The following WWOX variants were observed in gnomAD, a reference collection of about 807,000 sequenced individuals.
WWOX encodes the protein WW domain-containing oxidoreductase.
A neutral mutation model predicts 46.2 loss-of-function variants in WWOX; 69 were observed. That is an observed-to-expected ratio of 1.49 (90% CI 1.23 to 1.82). The LOEUF (loss-of-function observed/expected upper bound fraction) is 1.82. WWOX is among the 40% of genes most tolerant of loss of function. WWOX has a pLI of 0.00. For missense variants in WWOX, 919 were observed against 542.6 expected (o/e 1.69, Z -6.89); for synonymous variants, 359 against 202.6 (o/e 1.77, Z -6.56).
At chr16:78,715,816 A>G (rs1356830503) in intron 8 of WWOX, among the ~76,000 whole-genome samples, 1 of 152,174 alleles carries the variant, frequency 6.6e-6, no homozygotes, top group Non-Finnish European at 1.5e-5. Flanking sequence ...AAGCTTTTCT[A>G]GAATCTATCA....
intron 8 of WWOX, among the ~76,000 whole-genome samples, chr16:78,724,242 G>T (rs1014468648): frequency 6.6e-6 from 1 of 152,020 alleles, no homozygotes; most frequent in Non-Finnish European, 1.5e-5. Context: ...AGTCTTCTAG[G>T]GCCTCTGGTT....
At chr16:79,143,713 G>A (rs1046009349) in intron 8 of WWOX, among the ~76,000 whole-genome samples, 7 of 152,132 alleles carry the variant, frequency 4.6e-5, no homozygotes, top group African/African-American at 1.7e-4. Flanking sequence ...CCTTATAGCA[G>A]CCCTGAGGGA....
At chr16:78,653,868 A>G (rs1436861665) in intron 8 of WWOX, among the ~76,000 whole-genome samples, 1 of 152,210 alleles carries the variant, frequency 6.6e-6, no homozygotes, top group Non-Finnish European at 1.5e-5. Flanking sequence ...GTTGGGTTTG[A>G]ATCACGTTGT....
intron 8 of WWOX, among the ~76,000 whole-genome samples, chr16:78,488,439 C>T (rs1351341020): frequency 6.6e-6 from 1 of 151,942 alleles, no homozygotes; most frequent in African/African-American, 2.4e-5. Context: ...TTTTAGGACC[C>T]AAGAGTGCTG....
chr16:78,557,689 ATTTTTTT>A (rs34068363), intron 8 of WWOX, among the ~76,000 whole-genome samples: 6 of 96,626 alleles, frequency 6.2e-5, no homozygotes, highest in African/African-American at 2.1e-4. Context: ...CTAGGGAAGG[ATTTTTTT>A]TTTTTTTTTT....
chr16:79,080,265 T>C (rs536777157), intron 8 of WWOX, among the ~76,000 whole-genome samples: 1 of 151,794 alleles, frequency 6.6e-6, no homozygotes, highest in South Asian at 2.1e-4. Context: ...CACACAGGAG[T>C]CCTTTTCTCT....
intron 5 of WWOX, among the ~76,000 whole-genome samples, chr16:78,172,155 C>A (rs1369504222): frequency 6.6e-6 from 1 of 152,104 alleles, no homozygotes; most frequent in African/African-American, 2.4e-5. Context: ...TGTACTCATA[C>A]ATTATTTGCA....
At chr16:78,138,498 C>A (rs1361843244) in intron 4 of WWOX, among the ~76,000 whole-genome samples, 2 of 152,178 alleles carry the variant, frequency 1.3e-5, no homozygotes, top group Non-Finnish European at 2.9e-5. Flanking sequence ...AGTGCAAATT[C>A]TTCCTACCTT....
At chr16:78,289,361 C>T (rs968842237) in intron 5 of WWOX, among the ~76,000 whole-genome samples, 1 of 151,862 alleles carries the variant, frequency 6.6e-6, no homozygotes, top group African/African-American at 2.4e-5. Context: ...TAGTAGAGCT[C>T]GAATAGTCTA....
intron 8 of WWOX, among the ~76,000 whole-genome samples, chr16:78,966,855 G>C (rs2046371448): frequency 6.6e-6 from 1 of 152,124 alleles, no homozygotes. Context: ...TTGTGAAATG[G>C]GAAAAATAAT....
intron 8 of WWOX, among the ~76,000 whole-genome samples, chr16:78,528,960 CTTT>C (rs371609463): frequency 7.9e-6 from 1 of 126,802 alleles, no homozygotes. Context: ...TTCTTTCTTT[CTTT>C]TTTTTTTTTA....
intron 8 of WWOX, among the ~76,000 whole-genome samples, chr16:78,598,818 G>A (rs193199370): frequency 4.6e-5 from 7 of 152,206 alleles, no homozygotes; most frequent in Non-Finnish European, 1.0e-4. Context: ...ACCTTATCTG[G>A]CCTCTTCATT....
intron 8 of WWOX, among the ~76,000 whole-genome samples, chr16:78,771,261 T>C (rs4887984): frequency 0.75 from 113,605 of 152,136 alleles, 43,405 homozygotes; most frequent in Middle Eastern, 0.88. Context: ...TGGTAAGGGA[T>C]AGGTGGTGAA....
intron 4 of WWOX, among the ~76,000 whole-genome samples, chr16:78,158,210 A>C (rs934355030): frequency 6.6e-6 from 1 of 152,206 alleles, no homozygotes; most frequent in Non-Finnish European, 1.5e-5. Context: ...GCTCTTTCAC[A>C]TGGTGATGTC....
chr16:79,034,108 G>A (rs1469031571), intron 8 of WWOX, among the ~76,000 whole-genome samples: 1 of 152,168 alleles, frequency 6.6e-6, no homozygotes, highest in African/African-American at 2.4e-5. Flanking sequence ...AACTGAATGG[G>A]ATGCCTTTTA....
At chr16:78,829,086 A>AGATGGATGGATGGATG (rs59225171) in intron 8 of WWOX, among the ~76,000 whole-genome samples, 32 of 147,724 alleles carry the variant, frequency 2.2e-4, no homozygotes, top group African/African-American at 3.6e-4. Context: ...TCCATCTGGA[A>AGATGGATGGATGGATG]GATGGATGGA....
intron 8 of WWOX, among the ~76,000 whole-genome samples, chr16:78,626,783 C>T (rs2046321016): frequency 6.6e-6 from 1 of 152,088 alleles, no homozygotes; most frequent in Non-Finnish European, 1.5e-5. Context: ...TGTGTCTTCT[C>T]CCCCATTTAT....
chr16:78,217,361 G>C (rs527328772), intron 5 of WWOX, among the ~76,000 whole-genome samples: 38 of 152,348 alleles, frequency 2.5e-4, no homozygotes, highest in African/African-American at 9.1e-4. Context: ...CATGTATATA[G>C]GTACAACTCT....
Position 78,705,255 on chromosome 16 carries a change from A to G in WWOX, c.1056+272503A>G, listed in dbSNP as rs564629748. Among the ~76,000 whole-genome samples, 3 of 152,286 alleles carry G rather than the reference A, an allele frequency of 2.0e-5. No homozygotes were observed. In the East Asian group the frequency reaches 5.8e-4, roughly 29 times the overall value. On this transcript the variant is annotated intron_variant, in intron 8 of 8. Transcript: ENST00000566780. ...CATCTGAGAGGTTTTCTCTATGCAT[A>G]TTGTTTACATTTATCAAATGTTGTC...
Sources: allele counts gnomAD v4.1 joint callset (sites outside exome capture counted in the v4.1 genomes callset), GRCh38; gene constraint gnomAD v4.1.1; transcripts MANE v1.5; gene names NCBI Gene and HGNC (gene_info 2026-07-23, HGNC 2026-07-21).